Variants in FBXO34 observed in about 807,000 individuals in gnomAD.
FBXO34 encodes the protein F-box only protein 34.
In FBXO34, 12 loss-of-function variants were observed where a neutral mutation model predicts 24.5. The ratio of observed to expected loss-of-function variants is 0.49; its 90% confidence interval spans 0.31 to 0.79. The LOEUF is 0.79. FBXO34 is among the 30% of genes least tolerant of loss of function. The pLI is 0.04. For synonymous variants in FBXO34, 320 were observed against 311.9 expected (o/e 1.03, Z -0.27); for missense variants, 823 against 857.7 (o/e 0.96, Z 0.51).
At chr14:55,436,293 G>A in the FBXO34 span, among the ~76,000 whole-genome samples, 1 of 152,104 alleles carries the variant, frequency 6.6e-6, no homozygotes, top group Non-Finnish European at 1.5e-5. Context: ...AGCAACTACA[G>A]TGCTGTAGTA....
intron 1 of FBXO34, among the ~76,000 whole-genome samples, chr14:55,296,351 G>T (rs1382995260): frequency 1.4e-5 from 2 of 148,084 alleles, no homozygotes; most frequent in East Asian, 4.0e-4. Context: ...GAGTAGAGGG[G>T]TAGACAGTGG....
At chr14:55,329,502 G>A (rs1485973885) in intron 1 of FBXO34, among the ~76,000 whole-genome samples, 2 of 152,138 alleles carry the variant, frequency 1.3e-5, no homozygotes, top group African/African-American at 4.8e-5. Flanking sequence ...TAATCTTAAA[G>A]GATGTTTCAC....
At chr14:55,394,966 C>T in the FBXO34 span, 1 of 408,462 alleles carries the variant, frequency 2.4e-6, no homozygotes, top group Non-Finnish European at 4.8e-6. Context: ...AAAGCACTGA[C>T]ACTTCAAAGG....
chr14:55,359,470 T>A (rs1434108666), intron 3 of FBXO34, among the ~76,000 whole-genome samples: 2 of 152,196 alleles, frequency 1.3e-5, no homozygotes, highest in African/African-American at 4.8e-5. Flanking sequence ...TAGCATTATG[T>A]CTAAAAAACA....
At chr14:55,323,184 CAAAAAA>C (rs368380622) in intron 1 of FBXO34, among the ~76,000 whole-genome samples, 6 of 12,164 alleles carry the variant, frequency 4.9e-4, no homozygotes, top group African/African-American at 2.6e-3. Flanking sequence ...GACTCTGTCT[CAAAAAA>C]AAAAAAAAAA....
At chr14:55,395,636 T>TTCG in the FBXO34 span, among the ~76,000 whole-genome samples, 4 of 152,250 alleles carry the variant, frequency 2.6e-5, no homozygotes, top group Non-Finnish European at 5.9e-5. Flanking sequence ...CATTTAATCA[T>TTCG]TAATCCATTT....
chr14:55,345,697 C>T lies in FBXO34; in HGVS notation c.-10-4684C>T, dbSNP rs575198756. Among the ~76,000 whole-genome samples the T allele has an allele frequency of 3.3e-5, 5 of 152,292 alleles. No individual in the cohort carries two copies. The East Asian group carries it at 9.6e-4, about 29-fold the overall frequency. On this transcript the variant is annotated intron_variant, in intron 1 of 1. Coordinates refer to ENST00000313833, the MANE Select transcript of FBXO34 (RefSeq NM_017943.4). ...AGTGTCTAGCCCAGAGCGGTTAGGACATTTCTGATAATAAACAGGTAGGGC... is the reference window on the plus strand; with the variant it reads ...AGTGTCTAGCCCAGAGCGGTTAGGATATTTCTGATAATAAACAGGTAGGGC...
chr14:55,421,072 A>G, the FBXO34 span, among the ~76,000 whole-genome samples: 38 of 151,704 alleles, frequency 2.5e-4, no homozygotes, highest in African/African-American at 8.2e-4. Flanking sequence ...AAAAAAAAAA[A>G]AAAAAAGAAA....
At chr14:55,414,449 T>C in the FBXO34 span, 1 of 1,603,194 alleles carries the variant, frequency 6.2e-7, no homozygotes, top group Non-Finnish European at 8.5e-7. Flanking sequence ...AGAACGTTCT[T>C]TGGCACCTAT....
chr14:55,296,080 G>A (rs1454146989), intron 1 of FBXO34, among the ~76,000 whole-genome samples: 2 of 152,130 alleles, frequency 1.3e-5, no homozygotes, highest in South Asian at 2.1e-4. Context: ...TTTCATGCCT[G>A]TAGTTGAAGA....
the FBXO34 span, among the ~76,000 whole-genome samples, chr14:55,381,420 A>G: frequency 6.6e-6 from 1 of 152,350 alleles, no homozygotes; most frequent in African/African-American, 2.4e-5. Context: ...CGGGTTAAAT[A>G]TACTTCTTTA....
chr14:55,329,144 G>T (rs565381886), intron 1 of FBXO34, among the ~76,000 whole-genome samples: 2 of 150,762 alleles, frequency 1.3e-5, no homozygotes, highest in South Asian at 4.2e-4. Flanking sequence ...TTAAAACGTG[G>T]TTTATTTCTA....
At chr14:55,394,927 A>C in the FBXO34 span, 1 of 381,510 alleles carries the variant, frequency 2.6e-6, no homozygotes, top group Non-Finnish European at 5.1e-6. Context: ...AAAAGTAAAC[A>C]ACCAGAGAAT....
At chr14:55,356,747 C>T (rs1453739831), downstream of FBXO34, among the ~76,000 whole-genome samples, 2 of 152,062 alleles carry the variant, frequency 1.3e-5, no homozygotes, top group South Asian at 2.1e-4. Context: ...CGTGAGCCAC[C>T]GTGCCTGGCT....
intron 1 of FBXO34, among the ~76,000 whole-genome samples, chr14:55,275,929 T>C (rs774554566): frequency 1.3e-5 from 2 of 149,826 alleles, no homozygotes; most frequent in Non-Finnish European, 3.0e-5. Context: ...TTAAAAAGAA[T>C]AGGGAATAGC....
chr14:55,407,511 T>C, the FBXO34 span, among the ~76,000 whole-genome samples: 1 of 152,032 alleles, frequency 6.6e-6, no homozygotes, highest in African/African-American at 2.4e-5. Flanking sequence ...GTGATCCGCC[T>C]GCCTCGGCCT....
intron 1 of FBXO34, among the ~76,000 whole-genome samples, chr14:55,315,404 C>G (rs555420573): frequency 1.8e-4 from 28 of 152,200 alleles, no homozygotes; most frequent in Non-Finnish European, 3.1e-4. Context: ...TATCCTGGGA[C>G]TTCCCTTTAC....
the FBXO34 span, chr14:55,414,481 A>T: frequency 2.0e-6 from 3 of 1,504,506 alleles, no homozygotes; most frequent in East Asian, 7.1e-5. Flanking sequence ...GGTTTATATA[A>T]TTTTTAATAT....
chr14:55,278,790 G>C (rs1881430403), intron 1 of FBXO34, among the ~76,000 whole-genome samples: 1 of 152,142 alleles, frequency 6.6e-6, no homozygotes, highest in Non-Finnish European at 1.5e-5. Context: ...AGGCTCAAGT[G>C]ATCTTCTCAC....
Sources: gnomAD v4.1 joint callset for allele counts (sites outside exome capture counted in the v4.1 genomes callset) on GRCh38, gnomAD v4.1.1 for gene constraint, MANE v1.5 for transcripts, NCBI Gene and HGNC (gene_info 2026-07-23, HGNC 2026-07-21) for gene names.